PLBD1: variants seen among roughly 807,000 people sequenced by gnomAD.
The protein encoded by PLBD1 is lysosomal leucine aminopeptidase.
A neutral mutation model predicts 63.0 loss-of-function variants in PLBD1; 60 were observed. That is an observed-to-expected ratio of 0.95 (90% CI 0.77 to 1.18). PLBD1 has a LOEUF of 1.18. Among genes scored for constraint, PLBD1 ranks in the 50% most tolerant of loss-of-function variants. The pLI is 0.00. For synonymous variants in PLBD1, 262 were observed against 248.0 expected (o/e 1.06, Z -0.53); for missense variants, 598 against 677.9 (o/e 0.88, Z 1.31).
At chr12:14,521,122 C>T (rs1945372337) in intron 6 of PLBD1, among the ~76,000 whole-genome samples, 2 of 152,122 alleles carry the variant, frequency 1.3e-5, no homozygotes, top group Non-Finnish European at 1.5e-5. Flanking sequence ...GCTACTGTTT[C>T]CTATCCACCA....
chr12:14,534,128 G>A (rs1048584317), intron 6 of PLBD1, among the ~76,000 whole-genome samples: 80 of 152,196 alleles, frequency 5.3e-4, no homozygotes, highest in Admixed American at 5.2e-3. Context: ...AGCCTGGGGC[G>A]ATAGGGTGAG....
intron 5 of PLBD1, 102 bp from the exon 6 acceptor site, chr12:14,535,905 G>T: frequency 8.0e-7 from 1 of 1,242,780 alleles, no homozygotes; most frequent in Non-Finnish European, 1.1e-6. Flanking sequence ...TTTCAGGTAA[G>T]TGTTTATTGC....
intron 6 of PLBD1, among the ~76,000 whole-genome samples, chr12:14,511,930 C>T (rs1945301368): frequency 1.3e-5 from 2 of 152,098 alleles, no homozygotes. Flanking sequence ...CCTGGATTCT[C>T]CATTGAAAAT....
chr12:14,521,762 T>C (rs1469373550), intron 6 of PLBD1, among the ~76,000 whole-genome samples: 1 of 151,962 alleles, frequency 6.6e-6, no homozygotes, highest in Non-Finnish European at 1.5e-5. Context: ...GAAAACATGA[T>C]ACCACCAAAA....
chr12:14,508,654 C>T (rs112752186), intron 8 of PLBD1, among the ~76,000 whole-genome samples: 5,396 of 152,114 alleles, frequency 0.035, 310 homozygotes, highest in African/African-American at 0.12. Context: ...CCTGTGGTCC[C>T]AGCTACTCGG....
At chr12:14,535,981 C>G in intron 5 of PLBD1, 178 bp from the exon 6 acceptor site, 1 of 570,866 alleles carries the variant, frequency 1.8e-6, no homozygotes, top group Non-Finnish European at 3.0e-6. Context: ...CCCAAACAGA[C>G]TCTTCCTTCT....
intron 2 of PLBD1, among the ~76,000 whole-genome samples, chr12:14,547,556 G>A (rs576235044): frequency 3.9e-5 from 6 of 152,244 alleles, no homozygotes; most frequent in South Asian, 4.2e-4. Context: ...CAACACTAGC[G>A]TCAACCTCAT....
chr12:14,560,220 G>GA (rs145599269), intron 1 of PLBD1, among the ~76,000 whole-genome samples: 3 of 151,746 alleles, frequency 2.0e-5, no homozygotes, highest in Admixed American at 1.3e-4. Flanking sequence ...CCTGTCTTAG[G>GA]AAAAAAAATG....
chr12:14,531,872 C>T (rs962183943), intron 6 of PLBD1, among the ~76,000 whole-genome samples: 3 of 152,140 alleles, frequency 2.0e-5, no homozygotes, highest in South Asian at 2.1e-4. Flanking sequence ...CAAGATAATC[C>T]GCCCACCCTG....
chr12:14,528,625 T>C (rs764368983), intron 6 of PLBD1, among the ~76,000 whole-genome samples: 2 of 152,150 alleles, frequency 1.3e-5, no homozygotes, highest in Non-Finnish European at 2.9e-5. Flanking sequence ...TATTTGCTTA[T>C]GATAGAAAGA....
At chr12:14,507,274 G>T (rs930390568) in intron 8 of PLBD1, among the ~76,000 whole-genome samples, 156 bp from the exon 9 acceptor site, 17 of 152,206 alleles carry the variant, frequency 1.1e-4, no homozygotes, top group African/African-American at 4.1e-4. Flanking sequence ...AGCTTTGCAT[G>T]TGAACCCTGG....
intron 6 of PLBD1, among the ~76,000 whole-genome samples, chr12:14,520,463 AAACAAC>A (rs369225924): frequency 2.0e-5 from 3 of 151,674 alleles, no homozygotes; most frequent in African/African-American, 7.3e-5. Context: ...TGCCTGTTAA[AAACAAC>A]AACAAAAAAA....
chr12:14,562,148 C>T (rs945490994), intron 1 of PLBD1, among the ~76,000 whole-genome samples: 2 of 152,078 alleles, frequency 1.3e-5, no homozygotes, highest in Non-Finnish European at 2.9e-5. Flanking sequence ...AAGAGACTTC[C>T]ACAGTTTTCT....
intron 2 of PLBD1, among the ~76,000 whole-genome samples, chr12:14,551,408 G>T (rs1483928928): frequency 6.6e-6 from 1 of 152,118 alleles, no homozygotes; most frequent in African/African-American, 2.4e-5. Flanking sequence ...TTTTTAAAAA[G>T]TTATTATTAG....
chr12:14,536,672 A>C lies in PLBD1; in HGVS notation c.597T>G (p.Val199=), dbSNP rs556898536. ...TLFQIQFLNS[V]GDLLDLIPSL... is the part of the protein sequence containing the mutation. Reference sequence around the variant, plus strand: ...AGGGAATCAGATCCAATAGATCTCCAACACTATTCAGGAACTGAATCTGGA... The same window carrying C: ...AGGGAATCAGATCCAATAGATCTCCCACACTATTCAGGAACTGAATCTGGA... Residue 199 remains valine (V), a synonymous_variant, in exon 5 of 11, where the codon GTT becomes GTG. Coordinates refer to ENST00000240617, the MANE Select transcript of PLBD1 (RefSeq NM_024829.6). The C allele has an allele frequency of 1.2e-5, 19 of 1,614,224 alleles. No individual in the cohort carries two copies. In the East Asian group the frequency reaches 4.2e-4, roughly 36 times the overall value.
chr12:14,510,832 C>T (rs971094338), intron 8 of PLBD1, among the ~76,000 whole-genome samples: 24 of 152,180 alleles, frequency 1.6e-4, no homozygotes, highest in African/African-American at 5.8e-4. Context: ...CTCTTCCCAT[C>T]CTGAGTTCCT....
At chr12:14,550,768 C>T (rs1460283772) in intron 2 of PLBD1, among the ~76,000 whole-genome samples, 2 of 151,570 alleles carry the variant, frequency 1.3e-5, no homozygotes, top group East Asian at 2.0e-4. Flanking sequence ...ATCCCATCTA[C>T]TTGGGAGGCT....
chr12:14,543,460 T>C (rs755614654), intron 2 of PLBD1, among the ~76,000 whole-genome samples: 1 of 152,216 alleles, frequency 6.6e-6, no homozygotes, highest in Non-Finnish European at 1.5e-5. Flanking sequence ...GGTTCACACT[T>C]GTAATCCCAG....
chr12:14,540,988 TCAGA>T, intron 3 of PLBD1, 86 bp from the exon 4 acceptor site: 1 of 1,331,252 alleles, frequency 7.5e-7, no homozygotes. Context: ...GATTATATAC[TCAGA>T]CACTTATGCT....
Sources: gnomAD v4.1 joint callset for allele counts (sites outside exome capture counted in the v4.1 genomes callset) on GRCh38, gnomAD v4.1.1 for gene constraint, MANE v1.5 for transcripts, NCBI Gene and HGNC (gene_info 2026-07-23, HGNC 2026-07-21) for gene names.